Variants in MB21D2 observed in about 807,000 individuals in gnomAD.
MB21D2 encodes nucleotidyltransferase MB21D2.
Under a neutral mutation model 33.3 loss-of-function variants are expected in MB21D2, and 9 were observed. That is an observed-to-expected ratio of 0.27 (90% CI 0.16 to 0.47). MB21D2 has a LOEUF of 0.47. Ranked by LOEUF, MB21D2 falls within the 20% of genes least tolerant of loss-of-function variation. MB21D2 has a pLI of 0.99. For synonymous variants in MB21D2, 241 were observed against 236.3 expected (o/e 1.02, Z -0.18); for missense variants, 540 against 624.6 (o/e 0.86, Z 1.44).
At chr3:192,849,009 G>A (rs933259504) in intron 1 of MB21D2, among the ~76,000 whole-genome samples, 4 of 152,144 alleles carry the variant, frequency 2.6e-5, no homozygotes, top group African/African-American at 9.7e-5. Flanking sequence ...TTTATTTCTT[G>A]GGCTCATCTG....
intron 1 of MB21D2, among the ~76,000 whole-genome samples, chr3:192,851,725 C>T (rs1712810783): frequency 6.6e-6 from 1 of 151,988 alleles, no homozygotes; most frequent in East Asian, 1.9e-4. Context: ...GTCTTGAACT[C>T]CTGACCTCAA....
chr3:192,818,235 G>T (rs1196266328), intron 1 of MB21D2, among the ~76,000 whole-genome samples: 1 of 152,106 alleles, frequency 6.6e-6, no homozygotes, highest in Non-Finnish European at 1.5e-5. Context: ...TTATTCACCT[G>T]CATCCCCCTG....
chr3:192,811,153 GC>G (rs1711780405), intron 1 of MB21D2, among the ~76,000 whole-genome samples: 3 of 152,260 alleles, frequency 2.0e-5, no homozygotes, highest in Middle Eastern at 3.4e-3. Context: ...GTAGATAAAT[GC>G]CCTAGCTTCC....
At chr3:192,850,233 T>C (rs1307982646) in intron 1 of MB21D2, among the ~76,000 whole-genome samples, 1 of 152,150 alleles carries the variant, frequency 6.6e-6, no homozygotes, top group East Asian at 1.9e-4. Context: ...AACAATTTTC[T>C]GGGGTTCCAC....
chr3:192,827,056 G>A (rs1179798455), intron 1 of MB21D2, among the ~76,000 whole-genome samples: 2 of 151,854 alleles, frequency 1.3e-5, no homozygotes, highest in Non-Finnish European at 2.9e-5. Flanking sequence ...CACCACGTCC[G>A]GCTAATTTTT....
At chr3:192,895,094 A>G (rs1369277120) in intron 1 of MB21D2, among the ~76,000 whole-genome samples, 1 of 152,104 alleles carries the variant, frequency 6.6e-6, no homozygotes, top group Non-Finnish European at 1.5e-5. Flanking sequence ...GGAGGGGGCC[A>G]AGGGGGCCTG....
chr3:192,894,560 G>A (rs1713924312), intron 1 of MB21D2, among the ~76,000 whole-genome samples: 1 of 152,196 alleles, frequency 6.6e-6, no homozygotes, highest in Admixed American at 6.5e-5. Context: ...GGAGGCAACA[G>A]GTAACTGGAG....
intron 1 of MB21D2, among the ~76,000 whole-genome samples, chr3:192,817,201 C>T (rs944266552): frequency 1.2e-4 from 18 of 152,194 alleles, no homozygotes; most frequent in Admixed American, 6.5e-4. Context: ...ACAGCACAGA[C>T]GTGACCCTGG....
At chr3:192,912,244 T>C (rs998273205) in intron 1 of MB21D2, among the ~76,000 whole-genome samples, 7 of 152,118 alleles carry the variant, frequency 4.6e-5, no homozygotes, top group African/African-American at 1.7e-4. Flanking sequence ...TTTCTCAAAG[T>C]TTTTGTTCAC....
In MB21D2 at chr3:192,855,007, G is replaced by C. The variant is rs1199012674; in HGVS notation, c.212-55357C>G. Among the ~76,000 whole-genome samples, 4 of 152,342 alleles carry C rather than the reference G, an allele frequency of 2.6e-5. 1 individual carries two copies. In the East Asian group the frequency reaches 7.7e-4, roughly 29 times the overall value. ...ATAAAACTAATGTTGTTTTCAGTCT[G>C]CTGATACAATATCTATTCTGCAACT... is the stretch of plus-strand genomic sequence containing the variant. On this transcript the variant is annotated intron_variant, in intron 1 of 1. Transcript: ENST00000392452.
At chr3:192,880,730 C>T (rs1311687901) in intron 1 of MB21D2, among the ~76,000 whole-genome samples, 2 of 152,152 alleles carry the variant, frequency 1.3e-5, no homozygotes, top group Non-Finnish European at 2.9e-5. Flanking sequence ...GGTGGCACAT[C>T]TCTGCAGTTA....
chr3:192,887,276 T>C (rs964252862), intron 1 of MB21D2, among the ~76,000 whole-genome samples: 8 of 152,132 alleles, frequency 5.3e-5, no homozygotes, highest in Non-Finnish European at 1.5e-5. Context: ...CCTCCAGGAC[T>C]GCAGGAACAC....
In MB21D2 at chr3:192,798,916, T is replaced by C. The variant is rs1159656126; in HGVS notation, c.946A>G (p.Ile316Val). The change falls in exon 2 of 2, where the codon ATC becomes GTC. Residue 316 changes from isoleucine to valine, a missense_variant. Physicochemically the swap from Ile to Val is conservative, Grantham distance 29 (BLOSUM62 3). Transcript: ENST00000392452. This position sits in a 1 kb window ranked among gnomAD's most constrained non-coding sequence, Gnocchi z 4.8. The stretch of plus-strand genomic sequence containing the variant: ...GGCCGGGACAGCAGTTTAATGATGA[T>C]GGCTTTGCAGGCCTGATAGGCCTGC... ...LMQAYQACKAIIIKLLSRPKA... is the reference protein window; with the variant it reads ...LMQAYQACKAVIIKLLSRPKA... 6.2e-7 allele frequency: 1 copy of C among 1,613,684 alleles called. No homozygotes were observed. The highest frequency in any genetic ancestry group is 8.5e-7 in the Non-Finnish European group (1 of 1,179,840).
chr3:192,911,750 A>G (rs574259035), intron 1 of MB21D2, among the ~76,000 whole-genome samples: 224 of 152,314 alleles, frequency 1.5e-3, no homozygotes, highest in Non-Finnish European at 2.2e-3. Flanking sequence ...AAGGGCAGCC[A>G]CTGCCCAGAA....
chr3:192,850,714 T>C (rs1712782417), intron 1 of MB21D2, among the ~76,000 whole-genome samples: 1 of 152,128 alleles, frequency 6.6e-6, no homozygotes, highest in Admixed American at 6.5e-5. Flanking sequence ...GCGGCCTAGA[T>C]CCCCTGTGAT....
At chr3:192,899,401 C>T (rs1239165590) in intron 1 of MB21D2, among the ~76,000 whole-genome samples, 4 of 152,146 alleles carry the variant, frequency 2.6e-5, no homozygotes, top group African/African-American at 4.8e-5. Context: ...TGGTGGCGGA[C>T]GCCTGTAATC....
At chr3:192,879,130 A>C (rs546478809) in intron 1 of MB21D2, among the ~76,000 whole-genome samples, 1 of 152,346 alleles carries the variant, frequency 6.6e-6, no homozygotes, top group African/African-American at 2.4e-5. Flanking sequence ...TCTAAAATCC[A>C]CACATCAGGG....
rs756537560 is a variant in MB21D2, at chr3:192,798,970, A to G, written c.892T>C (p.Leu298=). The G allele has an allele frequency of 1.2e-6, 2 of 1,613,940 alleles. No individual in the cohort carries two copies. The highest frequency in any genetic ancestry group is 2.7e-5 in the African/African-American group (2 of 74,914). Residue 298 remains leucine, a synonymous_variant, in exon 2 of 2, where the codon TTG becomes CTG. Transcript: ENST00000392452. This position sits in a 1 kb window ranked among gnomAD's most constrained non-coding sequence, Gnocchi z 4.8. ...AGGCTGCTGGAGATGCACTTCTTCA[A>G]CTGCACCTCGCTCCTGGCAAAGGAC... is the stretch of plus-strand genomic sequence containing the variant. The part of the protein sequence containing the change: ...RLSFARSEVQ[L]KKCISSSLMQ...
intron 1 of MB21D2, among the ~76,000 whole-genome samples, chr3:192,814,317 C>T (rs1711859918): frequency 1.3e-5 from 2 of 151,936 alleles, no homozygotes; most frequent in African/African-American, 4.8e-5. Context: ...AAAAAAAATA[C>T]TGACAGGCTA....
Sources: allele counts gnomAD v4.1 joint callset (sites outside exome capture counted in the v4.1 genomes callset), GRCh38; gene constraint gnomAD v4.1.1; non-coding constraint Gnocchi (gnomAD v3.1); transcripts MANE v1.5; gene names NCBI Gene and HGNC (gene_info 2026-07-23, HGNC 2026-07-21).